SLC35F3: variants seen among roughly 807,000 people sequenced by gnomAD.
The protein encoded by SLC35F3 is putative thiamine transporter SLC35F3.
SLC35F3 carries 25 observed loss-of-function variants against 49.9 expected under a neutral mutation model. The ratio of observed to expected loss-of-function variants is 0.50; its 90% CI spans 0.37 to 0.70. SLC35F3 has a LOEUF of 0.70. SLC35F3 is among the 30% of genes least tolerant of loss of function. SLC35F3 has a pLI of 0.00. For missense variants in SLC35F3, 525 were observed against 639.8 expected (o/e 0.82, Z 1.94); for synonymous variants, 275 against 265.4 (o/e 1.04, Z -0.35).
intron 2 of SLC35F3, among the ~76,000 whole-genome samples, chr1:233,987,701 A>G (rs551610726): frequency 6.6e-6 from 1 of 152,004 alleles, no homozygotes; most frequent in African/African-American, 2.4e-5. Context: ...TTATTTGCTC[A>G]TTCATTCCCT....
intron 3 of SLC35F3, among the ~76,000 whole-genome samples, chr1:234,284,008 C>A (rs376524330): frequency 6.6e-6 from 1 of 152,092 alleles, no homozygotes; most frequent in Non-Finnish European, 1.5e-5. Flanking sequence ...TAGGCTCAAG[C>A]GATCCTTCCT....
At chr1:234,310,795 C>G (rs188762937) in intron 4 of SLC35F3, among the ~76,000 whole-genome samples, 1 of 152,230 alleles carries the variant, frequency 6.6e-6, no homozygotes, top group African/African-American at 2.4e-5. Context: ...GCAGAAGAAA[C>G]CCATTTTTTT....
rs527289750 is a variant in SLC35F3 at position 233,907,031 on chromosome 1, T to C, written c.283+1273T>C. 1.5e-4 allele frequency among the ~76,000 whole-genome samples: 23 copies of C among 152,348 alleles called. No homozygotes were observed. The South Asian group carries it at 4.8e-3, about 32-fold the overall frequency. On this transcript the variant is annotated intron_variant, in intron 2 of 7. Coordinates refer to ENST00000366618, the MANE Select transcript of SLC35F3 (RefSeq NM_173508.4). Reference sequence around the variant, plus strand: ...GAAGACAAGGGGCCAAATTCTCTTTTTGGTTGAAAAACCCTGGGCATGGGA... The same window carrying C: ...GAAGACAAGGGGCCAAATTCTCTTTCTGGTTGAAAAACCCTGGGCATGGGA...
intron 2 of SLC35F3, among the ~76,000 whole-genome samples, chr1:233,997,411 A>G (rs1432391163): frequency 1.3e-5 from 2 of 152,046 alleles, no homozygotes; most frequent in Admixed American, 6.6e-5. Context: ...CTCCTCATCT[A>G]TACTGTCTTT....
chr1:233,992,467 A>G (rs1663371235), intron 2 of SLC35F3, among the ~76,000 whole-genome samples: 1 of 152,178 alleles, frequency 6.6e-6, no homozygotes, highest in Non-Finnish European at 1.5e-5. Flanking sequence ...AAGGGTGGAA[A>G]TATTGAGGGG....
chr1:233,982,523 C>A (rs557130244), intron 2 of SLC35F3, among the ~76,000 whole-genome samples: 6 of 152,118 alleles, frequency 3.9e-5, no homozygotes, highest in African/African-American at 1.2e-4. Context: ...TACAGGCATG[C>A]GCCACCATGC....
At chr1:234,309,685 A>T (rs994238146) in intron 4 of SLC35F3, among the ~76,000 whole-genome samples, 2 of 152,216 alleles carry the variant, frequency 1.3e-5, no homozygotes, top group Non-Finnish European at 2.9e-5. Flanking sequence ...GCGTGGCATG[A>T]CCGTGCCCTG....
At chr1:234,045,016 A>G (rs1245082004) in intron 2 of SLC35F3, among the ~76,000 whole-genome samples, 1 of 152,192 alleles carries the variant, frequency 6.6e-6, no homozygotes, top group Admixed American at 6.5e-5. Flanking sequence ...ACTCATGAGG[A>G]ACCTTGAGTA....
chr1:234,084,454 C>G (rs1664931146), intron 2 of SLC35F3, among the ~76,000 whole-genome samples: 1 of 152,152 alleles, frequency 6.6e-6, no homozygotes, highest in Admixed American at 6.5e-5. Context: ...ACATGTTTTC[C>G]AAGCTCAGAA....
intron 3 of SLC35F3, among the ~76,000 whole-genome samples, chr1:234,247,630 G>A (rs560041361): frequency 1.3e-5 from 2 of 152,152 alleles, no homozygotes; most frequent in Non-Finnish European, 2.9e-5. Flanking sequence ...TAGGTTGGTT[G>A]GCTGGTCCAT....
intron 2 of SLC35F3, among the ~76,000 whole-genome samples, chr1:234,153,430 G>A (rs567889946): frequency 5.9e-5 from 9 of 152,214 alleles, no homozygotes; most frequent in South Asian, 2.1e-4. Context: ...GCAACATAGC[G>A]AGACTCTCAT....
intron 2 of SLC35F3, among the ~76,000 whole-genome samples, chr1:234,165,909 A>T (rs146722755): frequency 3.0e-3 from 454 of 152,078 alleles, no homozygotes; most frequent in Non-Finnish European, 4.3e-3. Flanking sequence ...GCCTTTGCGC[A>T]CTCATAGCTT....
chr1:233,956,857 G>A (rs189986560), intron 2 of SLC35F3, among the ~76,000 whole-genome samples: 10 of 152,312 alleles, frequency 6.6e-5, no homozygotes, highest in Admixed American at 2.6e-4. Flanking sequence ...CCCATTCATG[G>A]GGAAGCTTGC....
At chr1:234,060,985 C>T (rs6682572) in intron 2 of SLC35F3, among the ~76,000 whole-genome samples, 11,652 of 152,106 alleles carry the variant, frequency 0.077, 1,196 homozygotes, top group African/African-American at 0.23. Flanking sequence ...ACATTACTTA[C>T]GAGAATAAGG....
At chr1:234,191,905 G>T (rs555389264) in intron 2 of SLC35F3, among the ~76,000 whole-genome samples, 1 of 151,982 alleles carries the variant, frequency 6.6e-6, no homozygotes, top group Admixed American at 6.6e-5. Context: ...ATTAAGTCAG[G>T]AAGAATTAGA....
At chr1:234,051,288 A>C (rs766389745) in intron 2 of SLC35F3, among the ~76,000 whole-genome samples, 76 of 152,246 alleles carry the variant, frequency 5.0e-4, no homozygotes, top group Non-Finnish European at 8.2e-4. Flanking sequence ...ATGTTCTTCC[A>C]TTTGTTTGTG....
At chr1:234,085,856 C>G (rs1288196192) in intron 2 of SLC35F3, among the ~76,000 whole-genome samples, 2 of 152,190 alleles carry the variant, frequency 1.3e-5, no homozygotes, top group African/African-American at 4.8e-5. Context: ...TTCAGTTGCT[C>G]TCTAATTCTA....
At chr1:234,268,376 A>G (rs951351286) in intron 3 of SLC35F3, among the ~76,000 whole-genome samples, 1 of 151,298 alleles carries the variant, frequency 6.6e-6, no homozygotes, top group African/African-American at 2.4e-5. Context: ...TCAGGCAGGG[A>G]GGTTGCAGTG....
chr1:234,146,907 G>GA (rs913150965), intron 2 of SLC35F3, among the ~76,000 whole-genome samples: 18 of 152,140 alleles, frequency 1.2e-4, no homozygotes, highest in Middle Eastern at 3.2e-3. Flanking sequence ...GTCTTAGTGT[G>GA]AAAAAACTGA....
Sources: allele counts gnomAD v4.1 joint callset (sites outside exome capture counted in the v4.1 genomes callset), GRCh38; gene constraint gnomAD v4.1.1; transcripts MANE v1.5; gene names NCBI Gene and HGNC (gene_info 2026-07-23, HGNC 2026-07-21).